Variants in UNC80 observed in about 807,000 individuals in gnomAD.
UNC80 encodes the protein unc-80 subunit of NALCN channel complex.
Under a neutral mutation model 384.6 loss-of-function variants are expected in UNC80, and 164 were observed. The observed-to-expected ratio is 0.43, with a 90% confidence interval of 0.38 to 0.49. The LOEUF (loss-of-function observed/expected upper bound fraction) is 0.49, where lower values mean the gene tolerates loss of function less well. Among genes scored for constraint, UNC80 ranks in the 20% least tolerant of loss-of-function variants. The probability of loss-of-function intolerance (pLI) is 0.00; values close to 1 mark genes in which losing one functional copy is unlikely to be tolerated. For synonymous variants in UNC80, 1,486 were observed against 1,527.8 expected, an observed-to-expected ratio of 0.97 and a Z score of 0.64; for missense variants, 3,330 against 4,143.0, an observed-to-expected ratio of 0.80 and a Z score of 5.39.
chr2:209,943,439 C>T lies in UNC80; in HGVS notation c.6975C>T (p.His2325=), dbSNP rs1160880168. ...QLRQAIEFAC[H]QFYILHRKPF... is the part of the protein sequence containing the mutation. The stretch of plus-strand genomic sequence containing the variant: ...GTCAAGCCATCGAATTTGCCTGTCA[C>T]CAGTTCTATATTCTACACCGGAAGC... The change falls in exon 45 of 65, where the codon CAC becomes CAT. Residue 2325 remains histidine (H), a synonymous_variant. Coordinates refer to ENST00000673920, the MANE Select transcript of UNC80 (RefSeq NM_001371986.1). 2 of 1,552,174 alleles carry T rather than the reference C, an allele frequency of 1.3e-6. No homozygotes were observed. Among genetic ancestry groups the T allele is most frequent in the East Asian group, 2.4e-5 (1 of 40,920 alleles).
At chr2:209,982,348 A>C in intron 60 of UNC80, 31 bp downstream of exon 60, 1 of 1,496,486 alleles carries the variant, frequency 6.7e-7, no homozygotes, top group Non-Finnish European at 8.9e-7. Flanking sequence ...TGTACTCTGC[A>C]TTTGGGGGCA....
At position 209,933,822 on chromosome 2, in the gene UNC80, G is replaced by A. The variant is rs1364233647; in HGVS notation, c.5995G>A (p.Val1999Ile). 6.5e-7 allele frequency: 1 copy of A among 1,549,758 alleles called. No individual in the cohort carries two copies. Among genetic ancestry groups the A allele is most frequent in the East Asian group, 2.4e-5 (1 of 40,902 alleles). The change falls in exon 39 of 65, where the codon GTA becomes ATA. Residue 1999 changes from valine to isoleucine, a missense_variant and splice_region_variant. Val to Ile is a conservative substitution (Grantham distance 29). Transcript: ENST00000673920. Reference sequence around the variant, plus strand: ...GAACTCTTCTTATACTGACTTCTAGGTAGGATTAATCATGTACTTTGTGCG... The same window carrying A: ...GAACTCTTCTTATACTGACTTCTAGATAGGATTAATCATGTACTTTGTGCG... Reference protein sequence around the residue: ...QTSHILFNYLVGLIMYFVRTP... With the variant: ...QTSHILFNYLIGLIMYFVRTP...
chr2:209,775,839 G>T (rs773463366), intron 2 of UNC80, 50 bp from the exon 3 acceptor site: 1 of 1,573,368 alleles, frequency 6.4e-7, no homozygotes, highest in African/African-American at 1.4e-5. Context: ...CTTAGTTTAC[G>T]TGGTTTTGGA....
chr2:209,818,047 C>G (rs1473365181), intron 11 of UNC80, 95 bp downstream of exon 11: 1 of 1,421,242 alleles, frequency 7.0e-7, no homozygotes, highest in Non-Finnish European at 9.4e-7. Context: ...AATCCGCTTC[C>G]TGTGTTTTCT....
chr2:209,875,450 T>A (rs2084693756), intron 23 of UNC80, among the ~76,000 whole-genome samples: 1 of 152,198 alleles, frequency 6.6e-6, no homozygotes, highest in Non-Finnish European at 1.5e-5. Flanking sequence ...TAATCAGTTC[T>A]GACATGAATT....
intron 29 of UNC80, among the ~76,000 whole-genome samples, chr2:209,911,749 C>T (rs2088970345): frequency 6.6e-6 from 1 of 152,220 alleles, no homozygotes; most frequent in East Asian, 1.9e-4. Context: ...CTTTGCACAG[C>T]CTGGAGTGCA....
intron 48 of UNC80, 34 bp downstream of exon 48, chr2:209,954,304 C>T (rs999492462): frequency 1.4e-6 from 2 of 1,391,830 alleles, no homozygotes; most frequent in African/African-American, 1.5e-5. Flanking sequence ...TACAGCCTTA[C>T]ATCATATGTT....
At chr2:209,847,360 C>A (rs149399292) in intron 21 of UNC80, among the ~76,000 whole-genome samples, 1 of 151,532 alleles carries the variant, frequency 6.6e-6, no homozygotes, top group Admixed American at 6.6e-5. Flanking sequence ...AAAATAGTAC[C>A]AAAATATATC....
chr2:209,804,774 T>G (rs917981318), intron 7 of UNC80, among the ~76,000 whole-genome samples: 1 of 44,808 alleles, frequency 2.2e-5, no homozygotes. Flanking sequence ...TTTTGTTTTG[T>G]TTTTTTTTTG....
In UNC80 at chr2:209,935,802, G is replaced by A; in HGVS notation, c.6267G>A (p.Leu2089=). ...PVHEDTQFEA[L]LKECLEFFNI... ...ATGAAGACACTCAATTTGAAGCCCTGTTGAAGGTAGGAATGACTTTTAACA... is the reference window on the plus strand; with the variant it reads ...ATGAAGACACTCAATTTGAAGCCCTATTGAAGGTAGGAATGACTTTTAACA... Residue 2089 remains leucine, a synonymous_variant, in exon 40 of 65, where the codon CTG becomes CTA. Transcript: ENST00000673920. The A allele has an allele frequency of 1.3e-6, 2 of 1,538,226 alleles. No individual in the cohort carries two copies. The highest frequency in any genetic ancestry group is 1.8e-6 in the Non-Finnish European group (2 of 1,141,316).
chr2:209,812,113 T>G (rs1052606892), intron 7 of UNC80, among the ~76,000 whole-genome samples: 5 of 152,068 alleles, frequency 3.3e-5, no homozygotes, highest in Admixed American at 1.3e-4. Context: ...GCAGTGGCGC[T>G]ATCTCGGCTC....
At chr2:209,822,510 T>C (rs1282516665) in intron 13 of UNC80, among the ~76,000 whole-genome samples, 1 of 152,106 alleles carries the variant, frequency 6.6e-6, no homozygotes, top group East Asian at 1.9e-4. Flanking sequence ...GACAAAGAGA[T>C]TAGAAGTGGT....
Position 209,834,135 on chromosome 2 carries a change from A to G in UNC80, c.2909A>G (p.Asn970Ser), listed in dbSNP as rs1468505788. 24 of 1,551,540 alleles carry G rather than the reference A, an allele frequency of 1.5e-5. No homozygotes were observed. The Admixed American group carries it at 4.1e-4, about 27-fold the overall frequency. Residue 970 changes from asparagine (N) to serine (S), a missense_variant, in exon 17 of 65, where the codon AAT becomes AGT. By Grantham distance (46) the Asn-to-Ser change is conservative (BLOSUM62 1). Coordinates refer to ENST00000673920, the MANE Select transcript of UNC80 (RefSeq NM_001371986.1). ...KLAPGKKVEENEQESKPAGSK... is the reference protein window; with the variant it reads ...KLAPGKKVEESEQESKPAGSK... ...GCACCAGGGAAAAAGGTGGAGGAGA[A>G]TGAACAGGAATCTAAGCCTGCAGGC... is the stretch of plus-strand genomic sequence containing the variant.
intron 16 of UNC80, 76 bp downstream of exon 16, chr2:209,831,667 A>G: frequency 7.3e-7 from 1 of 1,361,760 alleles, no homozygotes; most frequent in East Asian, 2.7e-5. Flanking sequence ...CGTGGCCATG[A>G]GTAAGAGAAG....
intron 13 of UNC80, 52 bp from the exon 14 acceptor site, chr2:209,825,855 C>T: frequency 1.4e-6 from 2 of 1,441,180 alleles, no homozygotes; most frequent in Non-Finnish European, 9.2e-7. Flanking sequence ...GCAAAAGGAC[C>T]TCAGTGACAA....
At position 209,877,869 on chromosome 2, in the gene UNC80, G is replaced by C; in HGVS notation, c.3841-85G>C. 2.2e-6 allele frequency: 3 copies of C among 1,342,552 alleles called. No homozygotes were observed. In the South Asian group the frequency reaches 5.2e-5, roughly 23 times the overall value. The allele number at this position is 1,342,552 out of a possible 1,614,324, so 83.2% of individuals were successfully genotyped here. Reference sequence around the variant, plus strand: ...TGCTGGAAATAATTCTCATTAATTGGTTGCTTATGTCTGATGTAATGTGAG... The same window carrying C: ...TGCTGGAAATAATTCTCATTAATTGCTTGCTTATGTCTGATGTAATGTGAG... On this transcript the variant is annotated intron_variant, in intron 23 of 64. Coordinates refer to ENST00000673920, the MANE Select transcript of UNC80 (RefSeq NM_001371986.1).
chr2:209,884,000 A>C (rs1212886453), intron 25 of UNC80, among the ~76,000 whole-genome samples: 1 of 152,072 alleles, frequency 6.6e-6, no homozygotes, highest in Admixed American at 6.6e-5. Flanking sequence ...AATGTAACTT[A>C]ATTAGTGTGC....
chr2:209,939,035 C>T (rs1393630513), intron 42 of UNC80, among the ~76,000 whole-genome samples: 4 of 152,108 alleles, frequency 2.6e-5, no homozygotes, highest in Non-Finnish European at 5.9e-5. Flanking sequence ...TCCTGGATCT[C>T]ACATCAGTCT....
intron 17 of UNC80, among the ~76,000 whole-genome samples, chr2:209,834,710 G>A (rs1157234842): frequency 6.6e-6 from 1 of 152,156 alleles, no homozygotes; most frequent in African/African-American, 2.4e-5. Flanking sequence ...TTGCAATAAT[G>A]GTGATATTGT....
Sources: allele counts gnomAD v4.1 joint callset (sites outside exome capture counted in the v4.1 genomes callset), GRCh38; gene constraint gnomAD v4.1.1; transcripts MANE v1.5; gene names NCBI Gene and HGNC (gene_info 2026-07-23, HGNC 2026-07-21).